Variants in PDLIM5 observed in about 807,000 individuals in gnomAD.
PDLIM5 encodes PDZ and LIM domain 5, also known as PDZ and LIM domain protein 5.
In PDLIM5, 34 loss-of-function variants were observed where a neutral mutation model predicts 64.2. The ratio of observed to expected loss-of-function variants is 0.53; its 90% confidence interval spans 0.40 to 0.71. The LOEUF (loss-of-function observed/expected upper bound fraction) is 0.71. PDLIM5 is among the 30% of genes least tolerant of loss of function. The pLI, the probability that PDLIM5 is intolerant of heterozygous loss-of-function variation, is 0.00. For missense variants in PDLIM5, 683 were observed against 733.6 expected (o/e 0.93, Z 0.80); for synonymous variants, 253 against 269.1 (o/e 0.94, Z 0.59).
chr4:94,509,701 A>G (rs1168250774), intron 2 of PDLIM5, among the ~76,000 whole-genome samples: 1 of 152,214 alleles, frequency 6.6e-6, no homozygotes, highest in Non-Finnish European at 1.5e-5. Flanking sequence ...CTGAGTCCCA[A>G]AACTGAAGAA....
chr4:94,605,667 A>G (rs1241973795), intron 7 of PDLIM5, among the ~76,000 whole-genome samples: 1 of 152,196 alleles, frequency 6.6e-6, no homozygotes, highest in Admixed American at 6.5e-5. Flanking sequence ...TGGCTAAGCA[A>G]TGAAGAGATA....
chr4:94,497,053 T>C (rs1727466138), intron 2 of PDLIM5, among the ~76,000 whole-genome samples: 1 of 152,186 alleles, frequency 6.6e-6, no homozygotes, highest in African/African-American at 2.4e-5. Context: ...TTTGACACTT[T>C]TAAGCTTACA....
In PDLIM5 at chr4:94,546,627, A is replaced by G. The variant is rs73833960; in HGVS notation, c.248+22752A>G. Among the ~76,000 whole-genome samples the G allele has an allele frequency of 5.5e-3, 837 of 152,248 alleles. 9 individuals carry two copies. The highest frequency in any genetic ancestry group is 0.019 in the African/African-American group (790 of 41,558). On this transcript the variant is annotated intron_variant, in intron 3 of 12. Transcript: ENST00000317968. ...ATACAAATTAAATTTGCTATCATCA[A>G]TAGAAGATATTTTTATTCATAGGAG...
intron 3 of PDLIM5, among the ~76,000 whole-genome samples, chr4:94,565,885 A>G (rs1263170903): frequency 2.6e-5 from 4 of 152,222 alleles, no homozygotes; most frequent in South Asian, 2.1e-4. Flanking sequence ...ATAGGCAGAT[A>G]TATTATGTAT....
chr4:94,502,818 A>C (rs1728049186), intron 2 of PDLIM5, among the ~76,000 whole-genome samples: 1 of 152,120 alleles, frequency 6.6e-6, no homozygotes, highest in African/African-American at 2.4e-5. Flanking sequence ...CAGAGGTTGC[A>C]GTGAGTCAAG....
intron 8 of PDLIM5, among the ~76,000 whole-genome samples, chr4:94,631,015 C>T (rs1740103733): frequency 6.6e-6 from 1 of 151,950 alleles, no homozygotes; most frequent in Non-Finnish European, 1.5e-5. Flanking sequence ...TCAAGTTATC[C>T]TCCTGCCTCA....
intron 3 of PDLIM5, among the ~76,000 whole-genome samples, chr4:94,566,166 A>G (rs1485191670): frequency 2.0e-5 from 3 of 152,196 alleles, no homozygotes; most frequent in Non-Finnish European, 4.4e-5. Flanking sequence ...CTTCTGGACC[A>G]CTTGGGTTCT....
intron 2 of PDLIM5, among the ~76,000 whole-genome samples, chr4:94,465,345 A>G (rs902041146): frequency 5.3e-5 from 8 of 152,154 alleles, no homozygotes; most frequent in African/African-American, 1.7e-4. Flanking sequence ...TGTTTTGTAC[A>G]TGTTCGATTA....
rs1743018020 is a variant in PDLIM5 at position 94,665,311 on chromosome 4, G to C, written c.*1244G>C. The C allele has an allele frequency of 4.0e-6, 1 of 248,008 alleles. No individual in the cohort carries two copies. The highest frequency in any genetic ancestry group is 6.4e-6 in the Non-Finnish European group (1 of 155,586). 15.4% of individuals were successfully genotyped at this position (248,008 alleles called of 1,614,324 possible). On this transcript the variant is annotated 3_prime_UTR_variant, in exon 13 of 13. Transcript: ENST00000317968. ...ATCCTGGCCAACATGGTGAAACCCT[G>C]TCTCTACTAAAAATACAAAAATGAG...
chr4:94,547,224 A>G (rs927297949), intron 3 of PDLIM5, among the ~76,000 whole-genome samples: 9 of 152,100 alleles, frequency 5.9e-5, no homozygotes, highest in Non-Finnish European at 1.2e-4. Flanking sequence ...CAAATTTATT[A>G]TTTTACAGTT....
chr4:94,663,894 C>T, intron 12 of PDLIM5, 84 bp from the exon 13 acceptor site: 1 of 1,402,654 alleles, frequency 7.1e-7, no homozygotes, highest in Non-Finnish European at 9.6e-7. Context: ...GGGGAAAAAT[C>T]ACTCTCTCCT....
chr4:94,526,478 A>G (rs1251204714), intron 3 of PDLIM5, among the ~76,000 whole-genome samples: 2 of 152,172 alleles, frequency 1.3e-5, no homozygotes, highest in Non-Finnish European at 2.9e-5. Flanking sequence ...ATTATTATTC[A>G]TTGGCGTTCT....
chr4:94,613,353 A>T (rs1738523795), intron 7 of PDLIM5, among the ~76,000 whole-genome samples: 1 of 152,200 alleles, frequency 6.6e-6, no homozygotes, highest in Non-Finnish European at 1.5e-5. Context: ...TCCTTTGAAA[A>T]TGGACTTAAA....
intron 7 of PDLIM5, among the ~76,000 whole-genome samples, chr4:94,589,115 A>T (rs915257628): frequency 6.6e-6 from 1 of 152,192 alleles, no homozygotes; most frequent in African/African-American, 2.4e-5. Context: ...TTCTTCCAGG[A>T]TCCTAAAAGA....
chr4:94,489,631 T>C (rs890547752), intron 2 of PDLIM5, among the ~76,000 whole-genome samples: 1 of 151,938 alleles, frequency 6.6e-6, no homozygotes, highest in African/African-American at 2.4e-5. Context: ...TATAGGAATA[T>C]ACAAAAATAC....
At chr4:94,458,974 G>T (rs11935084) in intron 2 of PDLIM5, among the ~76,000 whole-genome samples, 1 of 152,052 alleles carries the variant, frequency 6.6e-6, no homozygotes, top group Non-Finnish European at 1.5e-5. Flanking sequence ...AATGGAGTGC[G>T]GGCTACCTAA....
chr4:94,589,142 A>T lies in PDLIM5; in HGVS notation c.920+2698A>T, dbSNP rs572701378. On this transcript the variant is annotated intron_variant, in intron 7 of 12. Transcript: ENST00000317968. ...CCTAAAAGATGATGTCTGAGAGACGATGGAATTAAAGCCTCATAAAAATAA... is the reference window on the plus strand; with the variant it reads ...CCTAAAAGATGATGTCTGAGAGACGTTGGAATTAAAGCCTCATAAAAATAA... Among the ~76,000 whole-genome samples the T allele has an allele frequency of 1.6e-4, 24 of 152,316 alleles. No individual in the cohort carries two copies. The South Asian group carries it at 3.5e-3, about 22-fold the overall frequency.
chr4:94,624,024 A>G (rs1739461515), intron 8 of PDLIM5, among the ~76,000 whole-genome samples: 2 of 152,024 alleles, frequency 1.3e-5, no homozygotes, highest in Non-Finnish European at 2.9e-5. Flanking sequence ...TCTCAAAAGT[A>G]TGAGGGCTAG....
chr4:94,586,955 C>CTT, intron 7 of PDLIM5: 6 of 1,161,328 alleles, frequency 5.2e-6, no homozygotes, highest in Admixed American at 2.4e-5. Context: ...TCTTCTATCA[C>CTT]TCTTTTTTTT....
Sources: allele counts gnomAD v4.1 joint callset (sites outside exome capture counted in the v4.1 genomes callset), GRCh38; gene constraint gnomAD v4.1.1; transcripts MANE v1.5; gene names NCBI Gene and HGNC (gene_info 2026-07-23, HGNC 2026-07-21).